The following LPP variants were observed in gnomAD, a reference collection of about 807,000 sequenced individuals.
LPP encodes the protein lipoma-preferred partner.
A neutral mutation model predicts 60.4 loss-of-function variants in LPP; 38 were observed. The ratio of observed to expected loss-of-function variants is 0.63; its 90% CI spans 0.49 to 0.83. The LOEUF is 0.83. LPP is among the 40% of genes least tolerant of loss of function. LPP has a pLI of 0.00. For synonymous variants in LPP, 328 were observed against 290.8 expected (o/e 1.13, Z -1.30); for missense variants, 902 against 783.6 (o/e 1.15, Z -1.80).
intron 7 of LPP, among the ~76,000 whole-genome samples, chr3:188,671,457 AT>A (rs1048515097): frequency 7.9e-5 from 12 of 152,046 alleles, no homozygotes; most frequent in African/African-American, 2.4e-4. Context: ...CCAATCAGCC[AT>A]TTTTTTCTAT....
At chr3:188,255,868 C>T (rs1426084596) in intron 2 of LPP, among the ~76,000 whole-genome samples, 2 of 152,162 alleles carry the variant, frequency 1.3e-5, no homozygotes, top group African/African-American at 4.8e-5. Context: ...ACCTCATTAA[C>T]ATTGTAGGCA....
At chr3:188,607,253 T>TAA (rs1162050532) in intron 6 of LPP, among the ~76,000 whole-genome samples, 1 of 151,042 alleles carries the variant, frequency 6.6e-6, no homozygotes, top group Non-Finnish European at 1.5e-5. Flanking sequence ...ACCTCACTAT[T>TAA]AGAGCTCTCT....
At chr3:188,224,020 A>G (rs551142231) in intron 1 of LPP, among the ~76,000 whole-genome samples, 5 of 152,226 alleles carry the variant, frequency 3.3e-5, no homozygotes, top group African/African-American at 1.2e-4. Context: ...TGTTGAGGTT[A>G]CTGGGAGAGC....
intron 10 of LPP, among the ~76,000 whole-genome samples, chr3:188,868,790 A>G (rs1242752586): frequency 6.6e-6 from 1 of 152,226 alleles, no homozygotes; most frequent in African/African-American, 2.4e-5. Context: ...ACCTTTAGAA[A>G]ATGCATGTTA....
At chr3:188,590,541 T>C (rs934099983) in intron 6 of LPP, among the ~76,000 whole-genome samples, 9 of 151,984 alleles carry the variant, frequency 5.9e-5, no homozygotes, top group African/African-American at 2.2e-4. Flanking sequence ...GTCACTGCAA[T>C]CCATCCTAGA....
chr3:188,565,928 G>A (rs573354863), intron 6 of LPP, among the ~76,000 whole-genome samples: 13 of 152,032 alleles, frequency 8.6e-5, no homozygotes, highest in Admixed American at 3.9e-4. Context: ...TCTATTTACC[G>A]TAAAGAGAGG....
At chr3:188,662,213 C>A (rs1387840763) in intron 7 of LPP, among the ~76,000 whole-genome samples, 1 of 152,240 alleles carries the variant, frequency 6.6e-6, no homozygotes, top group Admixed American at 6.5e-5. Context: ...AGGTGCTCAG[C>A]AGGTAATATG....
At chr3:188,859,213 G>A (rs565800183) in intron 9 of LPP, among the ~76,000 whole-genome samples, 2 of 151,576 alleles carry the variant, frequency 1.3e-5, no homozygotes, top group African/African-American at 4.8e-5. Flanking sequence ...ATTTGTTTCA[G>A]TGCAGGCTTA....
intron 9 of LPP, among the ~76,000 whole-genome samples, chr3:188,799,807 G>A (rs912350586): frequency 1.3e-5 from 2 of 152,116 alleles, no homozygotes; most frequent in African/African-American, 4.8e-5. Flanking sequence ...ATAGTGCAAT[G>A]TTCTTCTTGG....
intron 9 of LPP, among the ~76,000 whole-genome samples, chr3:188,836,800 C>T (rs1758560491): frequency 6.6e-6 from 1 of 152,112 alleles, no homozygotes. Context: ...ACAAATAACA[C>T]TGGGTTTATA....
At chr3:188,690,183 T>C (rs1355858299) in intron 7 of LPP, among the ~76,000 whole-genome samples, 3 of 152,220 alleles carry the variant, frequency 2.0e-5, no homozygotes, top group African/African-American at 7.2e-5. Flanking sequence ...AGAGAGATTA[T>C]GTGACATAGC....
Position 188,509,681 on chromosome 3 carries a change from CCTT to C in LPP, c.307-14982_307-14980del, listed in dbSNP as rs1560497450. Among the ~76,000 whole-genome samples the C allele has an allele frequency of 1.6e-3, 27 of 17,014 alleles. 3 individuals are homozygous for C. Among genetic ancestry groups the C allele is most frequent in the Non-Finnish European group, 3.2e-3 (23 of 7,276 alleles). 11.2% of individuals were successfully genotyped at this position (17,014 alleles called of 152,430 possible). A position where few individuals can be genotyped will look rare whatever the true frequency, so the allele number is the denominator to read the frequency against. On this transcript the variant is annotated intron_variant, in intron 5 of 11. Transcript: ENST00000617246. The stretch of plus-strand genomic sequence containing the variant: ...TCCTTCCTTCCTTCCTTCCTTCCTT[CCTT>C]CCTCTCTCTCTCTCTTTTCTTTTTT...
intron 7 of LPP, among the ~76,000 whole-genome samples, chr3:188,705,575 C>T (rs758538863): frequency 1.7e-4 from 26 of 151,770 alleles, no homozygotes; most frequent in Non-Finnish European, 3.1e-4. Flanking sequence ...ATGCAAATAC[C>T]TATCAATATA....
At chr3:188,692,626 T>C (rs1191243077) in intron 7 of LPP, among the ~76,000 whole-genome samples, 1 of 152,194 alleles carries the variant, frequency 6.6e-6, no homozygotes, top group South Asian at 2.1e-4. Context: ...TGATGGACAT[T>C]TTTGTGTGTC....
intron 5 of LPP, among the ~76,000 whole-genome samples, chr3:188,514,805 A>G (rs1816858934): frequency 6.6e-6 from 1 of 152,140 alleles, no homozygotes; most frequent in African/African-American, 2.4e-5. Flanking sequence ...TGCCCATCTA[A>G]TCTCCTTGTC....
chr3:188,240,637 TA>T (rs978907258), intron 2 of LPP, among the ~76,000 whole-genome samples: 7 of 152,244 alleles, frequency 4.6e-5, no homozygotes, highest in Admixed American at 3.9e-4. Flanking sequence ...AACTTTCATA[TA>T]AAAAAGCGTA....
chr3:188,380,888 T>C (rs77054160), intron 3 of LPP, among the ~76,000 whole-genome samples: 1 of 152,330 alleles, frequency 6.6e-6, no homozygotes, highest in East Asian at 1.9e-4. Flanking sequence ...TTACAGCCCA[T>C]TCTCATGGAT....
chr3:188,488,364 A>G (rs924439041), intron 5 of LPP, among the ~76,000 whole-genome samples: 7 of 149,448 alleles, frequency 4.7e-5, no homozygotes, highest in Non-Finnish European at 1.0e-4. Flanking sequence ...AACAGTTCTC[A>G]TTTTCATGTG....
intron 9 of LPP, among the ~76,000 whole-genome samples, chr3:188,792,256 G>C (rs1744005832): frequency 6.6e-6 from 1 of 152,156 alleles, no homozygotes. Flanking sequence ...TTCCCGCTTG[G>C]AGAAACGTTT....
Sources: gnomAD v4.1 joint callset for allele counts (sites outside exome capture counted in the v4.1 genomes callset) on GRCh38, gnomAD v4.1.1 for gene constraint, MANE v1.5 for transcripts, NCBI Gene and HGNC (gene_info 2026-07-23, HGNC 2026-07-21) for gene names.